The following NFATC2IP variants were observed in gnomAD, a reference collection of about 807,000 sequenced individuals.
NFATC2IP encodes NFATC2-interacting protein.
NFATC2IP carries 25 observed loss-of-function variants against 40.2 expected under a neutral mutation model. The ratio of observed to expected loss-of-function variants is 0.62; its 90% confidence interval spans 0.45 to 0.87. The LOEUF is 0.87. NFATC2IP is among the 40% of genes least tolerant of loss of function. The pLI is 0.00. For missense variants in NFATC2IP, 553 were observed against 555.6 expected, an observed-to-expected ratio of 1.00 and a Z score of 0.05; for synonymous variants, 241 against 236.3, an observed-to-expected ratio of 1.02 and a Z score of -0.18.
chr16:28,960,534 A>C (rs572464676), intron 7 of NFATC2IP, among the ~76,000 whole-genome samples: 1 of 152,238 alleles, frequency 6.6e-6, no homozygotes, highest in South Asian at 2.1e-4. Context: ...CTGGGACAAA[A>C]TTCCTCTCTC....
rs150479307 is a variant in NFATC2IP at position 28,955,989 on chromosome 16, A to G, written c.590A>G (p.Asn197Ser). Residue 197 changes from asparagine (N) to serine (S), a missense_variant, in exon 4 of 8, where the codon AAC becomes AGC. Coordinates refer to ENST00000320805, the MANE Select transcript of NFATC2IP (RefSeq NM_032815.4). Reference sequence around the variant, plus strand: ...TCTTGCTTCTACAGGGATCTGGACAACTCTCCTCTGTCCCCACCTTCACCA... The same window carrying G: ...TCTTGCTTCTACAGGGATCTGGACAGCTCTCCTCTGTCCCCACCTTCACCA... Reference protein sequence around the residue: ...KKKTEFLDLDNSPLSPPSPRT... With the variant: ...KKKTEFLDLDSSPLSPPSPRT... The G allele has an allele frequency of 3.3e-5, 53 of 1,613,296 alleles. No homozygotes were observed. The East Asian group carries it at 1.1e-3, about 34-fold the overall frequency.
intron 7 of NFATC2IP, among the ~76,000 whole-genome samples, chr16:28,962,711 A>G (rs753578788): frequency 6.6e-6 from 1 of 152,184 alleles, no homozygotes; most frequent in Non-Finnish European, 1.5e-5. Flanking sequence ...GACCAAATAT[A>G]TATTTGACAA....
Position 28,959,063 on chromosome 16 carries a change from A to G in NFATC2IP, c.1064A>G (p.Lys355Arg). The G allele has an allele frequency of 6.2e-7, 1 of 1,613,896 alleles. No homozygotes were observed. Among genetic ancestry groups the G allele is most frequent in the Non-Finnish European group, 8.5e-7 (1 of 1,179,780 alleles). ...CAGCTCCAGCTCCGGGTGCAGGGAA[A>G]GGAGAAACACCAGACACTGGAAGTC... ...SQQLQLRVQG[K>R]EKHQTLEVSL... The change falls in exon 7 of 8, where the codon AAG becomes AGG. Residue 355 changes from lysine (K) to arginine (R), a missense_variant. Coordinates refer to ENST00000320805, the MANE Select transcript of NFATC2IP (RefSeq NM_032815.4).
intron 7 of NFATC2IP, among the ~76,000 whole-genome samples, 187 bp downstream of exon 7, chr16:28,959,287 C>T (rs984441074): frequency 1.3e-5 from 2 of 152,194 alleles, no homozygotes; most frequent in Admixed American, 1.3e-4. Context: ...CTCCCCGCTT[C>T]TACTGGTACC....
chr16:28,963,280 G>C (rs1965106924), intron 7 of NFATC2IP, among the ~76,000 whole-genome samples: 1 of 152,212 alleles, frequency 6.6e-6, no homozygotes, highest in Non-Finnish European at 1.5e-5. Flanking sequence ...AACATAACCT[G>C]TAACATTTTT....
rs1964959468 is a variant in NFATC2IP at position 28,951,075 on chromosome 16, C to T, written c.64C>T (p.Arg22Trp). ...AGGTAGCGGTGCCGGCCGAGGGGGT[C>T]GGGGCGGCTGGGGCGGTCGGGGCCG... ...SGGSGAGRGG[R>W]GGWGGRGRRP... is the part of the protein sequence containing the mutation. Residue 22 changes from arginine to tryptophan, a missense_variant, in exon 1 of 8, where the codon CGG becomes TGG. Transcript: ENST00000320805. The T allele has an allele frequency of 6.5e-7, 1 of 1,539,042 alleles. No homozygotes were observed. The highest frequency in any genetic ancestry group is 8.8e-7 in the Non-Finnish European group (1 of 1,142,170).
chr16:28,954,388 T>C (rs1964998116), intron 2 of NFATC2IP, among the ~76,000 whole-genome samples, 177 bp from the exon 3 acceptor site: 1 of 152,160 alleles, frequency 6.6e-6, no homozygotes, highest in South Asian at 2.1e-4. Context: ...TTATACTAAA[T>C]AGCAGTCTCA....
At position 28,958,363 on chromosome 16, in the gene NFATC2IP, A is replaced by G. The variant is rs1400999552; in HGVS notation, c.847-354A>G. 1.8e-5 allele frequency: 3 copies of G among 165,044 alleles called. No individual in the cohort carries two copies. The Admixed American group carries it at 1.9e-4, about 10-fold the overall frequency. 10.2% of individuals were successfully genotyped at this position (165,044 alleles called of 1,614,324 possible). ...AAGAGCGAAACTCCGTCTCAAAAAA[A>G]AAAAAAAGAAAAATATAGGAAGATG... On this transcript the variant is annotated intron_variant, in intron 5 of 7. Transcript: ENST00000320805.
At chr16:28,954,719 G>A in intron 3 of NFATC2IP, 37 bp downstream of exon 3, 1 of 1,375,680 alleles carries the variant, frequency 7.3e-7, no homozygotes, top group Non-Finnish European at 1.0e-6. Flanking sequence ...CTGGGAGCAG[G>A]AAGTGAGTTG....
At chr16:28,958,196 T>A (rs60603404) in intron 5 of NFATC2IP, among the ~76,000 whole-genome samples, 16,495 of 151,736 alleles carry the variant, frequency 0.11, 2,128 homozygotes, top group South Asian at 0.32. Context: ...ACACCTGTTA[T>A]CCCTGTAGTT....
rs1278829451 is a variant in NFATC2IP, at chr16:28,958,700, G to C, written c.847-17G>C. ...CAAGGCAGGAAGACCTCTTTTGCTT[G>C]TTGTCCCCATCCCTAGTCGGAGCCC... On this transcript the variant is annotated splice_polypyrimidine_tract_variant and intron_variant, in intron 5 of 7. Coordinates refer to ENST00000320805, the MANE Select transcript of NFATC2IP (RefSeq NM_032815.4). 2.5e-6 allele frequency: 4 copies of C among 1,598,332 alleles called. No homozygotes were observed. Among genetic ancestry groups the C allele is most frequent in the Non-Finnish European group, 3.4e-6 (4 of 1,172,332 alleles).
intron 7 of NFATC2IP, among the ~76,000 whole-genome samples, chr16:28,959,368 G>A (rs919340939): frequency 2.0e-5 from 3 of 152,032 alleles, no homozygotes; most frequent in East Asian, 3.9e-4. Context: ...ACCCTTAGAC[G>A]GTAATCAATA....
At chr16:28,954,143 C>T (rs1211245755) in intron 2 of NFATC2IP, among the ~76,000 whole-genome samples, 3 of 152,224 alleles carry the variant, frequency 2.0e-5, no homozygotes, top group Non-Finnish European at 4.4e-5. Flanking sequence ...ATTTTGATAA[C>T]CAATATTGTC....
At position 28,956,212 on chromosome 16, in the gene NFATC2IP, C is replaced by G. The variant is rs1965019562; in HGVS notation, c.721C>G (p.Gln241Glu). Reference sequence around the variant, plus strand: ...TCTGAGCCCCAAGCCACCTCAGGGTCAAGAGCAACAGGGCCAAGAGGATGA... The same window carrying G: ...TCTGAGCCCCAAGCCACCTCAGGGTGAAGAGCAACAGGGCCAAGAGGATGA... The part of the protein sequence containing the change: ...SCLSPKPPQG[Q>E]EQQGQEDEVV... Residue 241 changes from glutamine to glutamate, a missense_variant, in exon 5 of 8, where the codon CAA becomes GAA. Coordinates refer to ENST00000320805, the MANE Select transcript of NFATC2IP (RefSeq NM_032815.4). 7 of 1,613,924 alleles carry G rather than the reference C, an allele frequency of 4.3e-6. No individual in the cohort carries two copies. Among genetic ancestry groups the G allele is most frequent in the Non-Finnish European group, 5.9e-6 (7 of 1,179,978 alleles).
intron 7 of NFATC2IP, among the ~76,000 whole-genome samples, chr16:28,960,669 C>T (rs750898258): frequency 1.3e-5 from 2 of 152,126 alleles, no homozygotes; most frequent in African/African-American, 2.4e-5. Flanking sequence ...TGCAGTGGCT[C>T]ACACCTGTAA....
At chr16:28,959,702 T>A (rs1358263379) in intron 7 of NFATC2IP, among the ~76,000 whole-genome samples, 1 of 151,634 alleles carries the variant, frequency 6.6e-6, no homozygotes, top group African/African-American at 2.4e-5. Flanking sequence ...GCCTCCCGTG[T>A]AGCTGGGATT....
intron 2 of NFATC2IP, chr16:28,952,426 C>G: frequency 1.5e-6 from 1 of 646,536 alleles, no homozygotes; most frequent in Non-Finnish European, 2.5e-6. Flanking sequence ...ATTCTGTAGT[C>G]CTGGGCGGGG....
chr16:28,961,993 T>C (rs1243677646), intron 7 of NFATC2IP, among the ~76,000 whole-genome samples: 2 of 148,076 alleles, frequency 1.4e-5, no homozygotes, highest in Admixed American at 1.4e-4. Context: ...AGCCTCAAAC[T>C]CCTGGGCTCA....
intron 3 of NFATC2IP, among the ~76,000 whole-genome samples, chr16:28,955,711 A>G (rs1214998043): frequency 1.3e-5 from 2 of 151,900 alleles, no homozygotes; most frequent in Non-Finnish European, 2.9e-5. Context: ...CGACCCTCCC[A>G]CCTCAGCCTC....
Sources: allele counts gnomAD v4.1 joint callset (sites outside exome capture counted in the v4.1 genomes callset), GRCh38; gene constraint gnomAD v4.1.1; transcripts MANE v1.5; gene names NCBI Gene and HGNC (gene_info 2026-07-23, HGNC 2026-07-21).